Variants in TBC1D4 observed in about 807,000 individuals in gnomAD.
The protein encoded by TBC1D4 is TBC (Tre-2, BUB2, CDC16) domain-containing protein.
TBC1D4 carries 121 observed loss-of-function variants against 142.5 expected under a neutral mutation model. The observed-to-expected ratio is 0.85, with a 90% confidence interval of 0.73 to 0.99. The LOEUF (loss-of-function observed/expected upper bound fraction) is 0.99. TBC1D4 is among the 50% of genes least tolerant of loss of function. The pLI, the probability that TBC1D4 is intolerant of heterozygous loss-of-function variation, is 0.00. For missense variants in TBC1D4, 1,475 were observed against 1,606.6 expected, an observed-to-expected ratio of 0.92 and a Z score of 1.40; for synonymous variants, 630 against 628.2, an observed-to-expected ratio of 1.00 and a Z score of -0.04.
At chr13:75,301,780 A>G (rs1184779026) in intron 16 of TBC1D4, among the ~76,000 whole-genome samples, 1 of 152,212 alleles carries the variant, frequency 6.6e-6, no homozygotes, top group Non-Finnish European at 1.5e-5. Flanking sequence ...TTCCACCAAC[A>G]TAACCATTTA....
chr13:75,350,637 T>A (rs979669553), intron 4 of TBC1D4, among the ~76,000 whole-genome samples: 1 of 152,208 alleles, frequency 6.6e-6, no homozygotes, highest in Non-Finnish European at 1.5e-5. Flanking sequence ...TGTGCAGATG[T>A]TCCTTTATTT....
At chr13:75,364,102 G>A (rs1408929) in intron 1 of TBC1D4, among the ~76,000 whole-genome samples, 1 of 151,904 alleles carries the variant, frequency 6.6e-6, no homozygotes, top group African/African-American at 2.4e-5. Flanking sequence ...TGTGCATGGT[G>A]GGGGCGGTGC....
intron 1 of TBC1D4, among the ~76,000 whole-genome samples, chr13:75,389,526 T>G (rs1383449343): frequency 1.3e-5 from 2 of 152,214 alleles, no homozygotes; most frequent in Non-Finnish European, 2.9e-5. Context: ...TTGGTTTTAT[T>G]TAACTATTGT....
Position 75,320,038 on chromosome 13 carries a change from C to T in TBC1D4, c.2199-1G>A, listed in dbSNP as rs779123928. ...CCTTGATTCTGAAGCAGTGTCTTGT[C>T]TGGTACAACAGGAAAACAAGGAATG... On this transcript the variant is annotated splice_acceptor_variant, in intron 11 of 20. Transcript: ENST00000377636. LOFTEE classifies it high-confidence loss of function. 3 of 1,613,248 alleles carry T rather than the reference C, an allele frequency of 1.9e-6. No individual in the cohort carries two copies. The East Asian group carries it at 6.7e-5, about 36-fold the overall frequency.
Position 75,362,717 on chromosome 13 carries a change from C to A in TBC1D4, c.499-110G>T. 1 of 1,178,048 alleles carries A rather than the reference C, an allele frequency of 8.5e-7. No individual in the cohort carries two copies. The highest frequency in any genetic ancestry group is 1.2e-6 in the Non-Finnish European group (1 of 812,920). 73.0% of individuals were successfully genotyped at this position (1,178,048 alleles called of 1,614,324 possible). A position where few individuals can be genotyped will look rare whatever the true frequency, so the allele number is the denominator to read the frequency against. ...ATGTATTTTCATCCTAAATAATATA[C>A]AAAGTAATAGACACTACACGAGACA... On this transcript the variant is annotated intron_variant, in intron 1 of 20. Transcript: ENST00000377636. This position sits in a 1 kb window ranked among gnomAD's most constrained non-coding sequence, Gnocchi z 4.2.
chr13:75,328,483 A>G (rs1879463040), intron 8 of TBC1D4, among the ~76,000 whole-genome samples: 1 of 152,168 alleles, frequency 6.6e-6, no homozygotes, highest in Non-Finnish European at 1.5e-5. Flanking sequence ...CCTAAGATCT[A>G]AGAGACCTAA....
At chr13:75,301,157 A>G (rs1365628955) in intron 16 of TBC1D4, among the ~76,000 whole-genome samples, 1 of 152,150 alleles carries the variant, frequency 6.6e-6, no homozygotes, top group East Asian at 1.9e-4. Context: ...CCCAAATAAC[A>G]TATCTGGCCA....
At chr13:75,460,575 C>A (rs528921277) in intron 1 of TBC1D4, among the ~76,000 whole-genome samples, 1 of 152,264 alleles carries the variant, frequency 6.6e-6, no homozygotes, top group East Asian at 1.9e-4. Flanking sequence ...GAACTACCAA[C>A]CCACGGTATG....
chr13:75,360,282 C>G (rs997846025), intron 2 of TBC1D4, among the ~76,000 whole-genome samples: 1 of 152,078 alleles, frequency 6.6e-6, no homozygotes, highest in African/African-American at 2.4e-5. Context: ...GAAAATAACC[C>G]ATTCAGAAAA....
At chr13:75,435,786 GT>G (rs1886774698) in intron 1 of TBC1D4, among the ~76,000 whole-genome samples, 1 of 152,160 alleles carries the variant, frequency 6.6e-6, no homozygotes, top group South Asian at 2.1e-4. Flanking sequence ...TGTGCCAAAA[GT>G]GCTCAAAGAA....
chr13:75,392,877 T>C (rs9543916), intron 1 of TBC1D4, among the ~76,000 whole-genome samples: 81,564 of 151,812 alleles, frequency 0.54, 22,342 homozygotes, highest in African/African-American at 0.64. Context: ...TAGCCTTAAG[T>C]GATCCTCCTG....
At chr13:75,418,714 G>A (rs1886030314) in intron 1 of TBC1D4, among the ~76,000 whole-genome samples, 1 of 152,110 alleles carries the variant, frequency 6.6e-6, no homozygotes, top group Admixed American at 6.6e-5. Flanking sequence ...TCTCAGAAGG[G>A]CCAGCTCTGC....
chr13:75,435,928 T>A (rs1279374328), intron 1 of TBC1D4, among the ~76,000 whole-genome samples: 2 of 152,136 alleles, frequency 1.3e-5, no homozygotes, highest in Non-Finnish European at 2.9e-5. Flanking sequence ...CACACTGATA[T>A]AAACAAACAG....
At chr13:75,389,780 C>A (rs933766855) in intron 1 of TBC1D4, among the ~76,000 whole-genome samples, 2 of 152,076 alleles carry the variant, frequency 1.3e-5, no homozygotes, top group Non-Finnish European at 2.9e-5. Flanking sequence ...GCACACAGTA[C>A]AATATCAGGC....
chr13:75,318,898 T>C (rs148107571), intron 12 of TBC1D4, among the ~76,000 whole-genome samples: 10 of 152,174 alleles, frequency 6.6e-5, no homozygotes, highest in African/African-American at 2.4e-4. Flanking sequence ...CATATGTTTA[T>C]TTATATCCTT....
rs763936217 is a variant in TBC1D4 at position 75,294,996 on chromosome 13, C to G, written c.3174G>C (p.Leu1058=). 1 of 1,613,602 alleles carries G rather than the reference C, an allele frequency of 6.2e-7. No homozygotes were observed. The highest frequency in any genetic ancestry group is 1.1e-5 in the South Asian group (1 of 91,036). The change falls in exon 18 of 21, where the codon CTG becomes CTC. Residue 1058 remains leucine, a synonymous_variant. Transcript: ENST00000377636. ...MMSLQIQMYQ[L]SRLLHDYHRD... is the part of the protein sequence containing the mutation. ...TGTGATAGTCATGAAGGAGCCTGGA[C>G]AGCTGGTACATTTGAATCTAAAGTT...
Position 75,302,230 on chromosome 13 carries a change from A to G in TBC1D4, c.2911+13T>C. ...TTTACTTTTGTAAATTATAATCCAC[A>G]TGACAAACATACCTAAATCCACGAG... On this transcript the variant is annotated intron_variant, in intron 16 of 20. Coordinates refer to ENST00000377636, the MANE Select transcript of TBC1D4 (RefSeq NM_014832.5). 6.2e-7 allele frequency: 1 copy of G among 1,614,146 alleles called. No individual in the cohort carries two copies. The highest frequency in any genetic ancestry group is 1.1e-5 in the South Asian group (1 of 91,086).
Position 75,306,477 on chromosome 13 carries a change from G to C in TBC1D4, c.2594-6C>G. 6.2e-7 allele frequency: 1 copy of C among 1,612,238 alleles called. No individual in the cohort carries two copies. Among genetic ancestry groups the C allele is most frequent in the Non-Finnish European group, 8.5e-7 (1 of 1,179,694 alleles). ...CTGGAGTTCATCTCTGCTTGCTAAG[G>C]AAAAAAACAATTTACGTAAGACCAA... On this transcript the variant is annotated splice_polypyrimidine_tract_variant and splice_region_variant and intron_variant, in intron 14 of 20. Coordinates refer to ENST00000377636, the MANE Select transcript of TBC1D4 (RefSeq NM_014832.5).
intron 5 of TBC1D4, 116 bp downstream of exon 5, chr13:75,349,054 T>G (rs1881391456): frequency 1.9e-6 from 3 of 1,539,036 alleles, no homozygotes; most frequent in African/African-American, 2.7e-5. Context: ...GAGAAATGAT[T>G]CTTTGGGTTC....
Sources: allele counts gnomAD v4.1 joint callset (sites outside exome capture counted in the v4.1 genomes callset), GRCh38; gene constraint gnomAD v4.1.1; non-coding constraint Gnocchi (gnomAD v3.1); transcripts MANE v1.5; gene names NCBI Gene and HGNC (gene_info 2026-07-23, HGNC 2026-07-21).